CACUL1: variants seen among roughly 807,000 people sequenced by gnomAD.
CACUL1 encodes CDK2 associated cullin domain 1.
A neutral mutation model predicts 45.2 loss-of-function variants in CACUL1; 13 were observed. The ratio of observed to expected loss-of-function variants is 0.29; its 90% CI spans 0.19 to 0.46. The LOEUF (loss-of-function observed/expected upper bound fraction) is 0.46. Ranked by LOEUF, CACUL1 falls within the 20% of genes least tolerant of loss-of-function variation. The pLI is 1.00. For synonymous variants in CACUL1, 197 were observed against 174.2 expected, an observed-to-expected ratio of 1.13 and a Z score of -1.03; for missense variants, 421 against 471.4, an observed-to-expected ratio of 0.89 and a Z score of 0.99.
In CACUL1 at chr10:118,686,082, CCA is replaced by C. The variant is rs746674867; in HGVS notation, c.*44_*45del. On this transcript the variant is annotated 3_prime_UTR_variant, in exon 9 of 9. Coordinates refer to ENST00000369151, the MANE Select transcript of CACUL1 (RefSeq NM_153810.5). ...TGCTCTGAATACAGTCTCTGCAGCT[CCA>C]GTGTGTCCTCTTTTCAGGAAGGAAA... 1.4e-6 allele frequency: 2 copies of C among 1,461,224 alleles called. No individual in the cohort carries two copies. Among genetic ancestry groups the C allele is most frequent in the Non-Finnish European group, 1.9e-6 (2 of 1,041,164 alleles). The allele number at this position is 1,461,224 out of a possible 1,614,324, so 90.5% of individuals were successfully genotyped here.
Position 118,685,864 on chromosome 10 carries a change from G to GC in CACUL1, c.*263dup. ...CTTAGAAATGGTCACTTTCTGAGAT[G>GC]CTTTTTCCTCACAGAATCTGTAGAT... On this transcript the variant is annotated 3_prime_UTR_variant, in exon 9 of 9. Transcript: ENST00000369151. The GC allele has an allele frequency of 3.4e-6, 1 of 296,876 alleles. No individual in the cohort carries two copies. The highest frequency in any genetic ancestry group is 5.5e-5 in the East Asian group (1 of 18,252). 18.4% of individuals were successfully genotyped at this position (296,876 alleles called of 1,614,324 possible). A position where few individuals can be genotyped will look rare whatever the true frequency, so the allele number is the denominator to read the frequency against.
chr10:118,745,334 G>A (rs1045439944), intron 1 of CACUL1, among the ~76,000 whole-genome samples: 1 of 152,118 alleles, frequency 6.6e-6, no homozygotes, highest in Non-Finnish European at 1.5e-5. Context: ...GAGGTAGGTA[G>A]GTGGATCACC....
intron 5 of CACUL1, among the ~76,000 whole-genome samples, chr10:118,699,570 T>C (rs953796953): frequency 6.6e-6 from 1 of 152,220 alleles, no homozygotes; most frequent in Non-Finnish European, 1.5e-5. Flanking sequence ...ATGCTCTATC[T>C]TGTCATGAAA....
At chr10:118,704,669 CT>C (rs1845416930) in intron 4 of CACUL1, among the ~76,000 whole-genome samples, 1 of 152,154 alleles carries the variant, frequency 6.6e-6, no homozygotes, top group Non-Finnish European at 1.5e-5. Context: ...AGTGTCCTTG[CT>C]TTAACCTTTT....
rs968872568 is a variant in CACUL1 at position 118,682,347 on chromosome 10, G to T, written c.*3781C>A. ...GAAACAATAACAGTTTAACTCAAGG[G>T]CAATGCTTCTTGCATAATAATCACA... On this transcript the variant is annotated 3_prime_UTR_variant, in exon 9 of 9. Transcript: ENST00000369151. The T allele has an allele frequency of 1.3e-5, 2 of 152,126 alleles. No homozygotes were observed. The highest frequency in any genetic ancestry group is 1.3e-4 in the Admixed American group (2 of 15,272). The allele number at this position is 152,126 out of a possible 1,614,324, so 9.4% of individuals were successfully genotyped here. A position where few individuals can be genotyped will look rare whatever the true frequency, so the allele number is the denominator to read the frequency against.
intron 1 of CACUL1, among the ~76,000 whole-genome samples, chr10:118,738,769 AAAAGCTAAAAAC>A (rs1301271645): frequency 1.3e-5 from 2 of 152,090 alleles, no homozygotes; most frequent in African/African-American, 4.8e-5. Flanking sequence ...AACAAATTTG[AAAAGCTAAAAAC>A]AAAGATAATC....
intron 4 of CACUL1, among the ~76,000 whole-genome samples, 178 bp from the exon 5 acceptor site, chr10:118,701,586 G>T (rs1845380596): frequency 6.6e-6 from 1 of 152,126 alleles, no homozygotes; most frequent in South Asian, 2.1e-4. Context: ...CTGGCACGGG[G>T]TGGAAAGCAT....
At chr10:118,698,152 T>A (rs1845341032) in intron 5 of CACUL1, among the ~76,000 whole-genome samples, 1 of 151,376 alleles carries the variant, frequency 6.6e-6, no homozygotes, top group African/African-American at 2.4e-5. Flanking sequence ...CTTTTGCTTT[T>A]TTTTTTTTTT....
intron 3 of CACUL1, among the ~76,000 whole-genome samples, chr10:118,717,320 T>G (rs536001977): frequency 2.0e-5 from 3 of 152,342 alleles, no homozygotes; most frequent in African/African-American, 7.2e-5. Context: ...AAAAATATGA[T>G]GCACTAACAT....
In CACUL1 at chr10:118,721,556, A is replaced by T. The variant is rs538323670; in HGVS notation, c.597+7739T>A. ...TAAATTCAGCCTTATTTGAGATAAA[A>T]ATTGCAACATTTCCCAGCACCTTTG... On this transcript the variant is annotated intron_variant, in intron 3 of 8. Transcript: ENST00000369151. Among the ~76,000 whole-genome samples the T allele has an allele frequency of 3.7e-4, 56 of 152,254 alleles. 2 individuals are homozygous for T. The South Asian group carries it at 0.011, about 30-fold the overall frequency.
At chr10:118,748,892 A>T (rs1451390381) in intron 1 of CACUL1, among the ~76,000 whole-genome samples, 1 of 152,108 alleles carries the variant, frequency 6.6e-6, no homozygotes, top group East Asian at 1.9e-4. Flanking sequence ...TATTGAATGG[A>T]GGAGAAGAGG....
chr10:118,745,985 A>G (rs1286276589), intron 1 of CACUL1, among the ~76,000 whole-genome samples: 2 of 147,792 alleles, frequency 1.4e-5, no homozygotes, highest in Non-Finnish European at 3.0e-5. Context: ...AAAAAAAAAA[A>G]TACAAAAAAA....
chr10:118,696,505 G>C, intron 5 of CACUL1, among the ~76,000 whole-genome samples: 2 of 152,286 alleles, frequency 1.3e-5, no homozygotes, highest in Middle Eastern at 6.8e-3. Context: ...TTGGCTAGGC[G>C]TGGCGGCAGG....
chr10:118,696,908 C>T (rs953050015), intron 5 of CACUL1, among the ~76,000 whole-genome samples: 1 of 152,214 alleles, frequency 6.6e-6, no homozygotes, highest in Non-Finnish European at 1.5e-5. Flanking sequence ...TCGTATTCAA[C>T]CACATATTCA....
chr10:118,710,915 C>T (rs920032213), intron 3 of CACUL1, among the ~76,000 whole-genome samples: 6 of 152,136 alleles, frequency 3.9e-5, no homozygotes, highest in South Asian at 2.1e-4. Context: ...TTCCATATAT[C>T]CAAAATAGGA....
In CACUL1 at chr10:118,681,096, T is replaced by G. The variant is rs560322165; in HGVS notation, c.*5032A>C. 2 of 152,342 alleles carry G rather than the reference T, an allele frequency of 1.3e-5. No individual in the cohort carries two copies. The highest frequency in any genetic ancestry group is 3.9e-4 in the East Asian group (2 of 5,192). The allele number at this position is 152,342 out of a possible 1,614,324, so 9.4% of individuals were successfully genotyped here. On this transcript the variant is annotated 3_prime_UTR_variant, in exon 9 of 9. Coordinates refer to ENST00000369151, the MANE Select transcript of CACUL1 (RefSeq NM_153810.5). ...CCCACCAAAAGATCAAGAGCCAAAG[T>G]CAGTGGCTTTGTATCCCAGGTCAAT... is the stretch of plus-strand genomic sequence containing the variant.
rs116297832 is a variant in CACUL1 at position 118,749,592 on chromosome 10, G to A, written c.367+4804C>T. Among the ~76,000 whole-genome samples, 406 of 152,310 alleles carry A rather than the reference G, an allele frequency of 2.7e-3. 2 individuals carry two copies. Among genetic ancestry groups the A allele is most frequent in the Middle Eastern group, 0.014 (4 of 294 alleles). ...AAAGAAGAGGATGAGTTCCACTGAGGAAGAACCCCACATAATTAAAGTCTT... is the reference window on the plus strand; with the variant it reads ...AAAGAAGAGGATGAGTTCCACTGAGAAAGAACCCCACATAATTAAAGTCTT... On this transcript the variant is annotated intron_variant, in intron 1 of 8. Transcript: ENST00000369151.
At chr10:118,715,071 T>C (rs1845529090) in intron 3 of CACUL1, among the ~76,000 whole-genome samples, 1 of 152,238 alleles carries the variant, frequency 6.6e-6, no homozygotes, top group African/African-American at 2.4e-5. Context: ...TTCATATAGA[T>C]GTTATAGACA....
At position 118,740,820 on chromosome 10, in the gene CACUL1, G is replaced by A. The variant is rs554245446; in HGVS notation, c.368-10410C>T. Among the ~76,000 whole-genome samples, 6 of 151,762 alleles carry A rather than the reference G, an allele frequency of 4.0e-5. No homozygotes were observed. The South Asian group carries it at 6.2e-4, about 16-fold the overall frequency. On this transcript the variant is annotated intron_variant, in intron 1 of 8. Transcript: ENST00000369151. ...AGGCGCCTGTAGTCCTAGCTACTCA[G>A]GAGGCTGAGGCAGGAGAATAGCGTG...
Sources: allele counts gnomAD v4.1 joint callset (sites outside exome capture counted in the v4.1 genomes callset), GRCh38; gene constraint gnomAD v4.1.1; transcripts MANE v1.5; gene names NCBI Gene and HGNC (gene_info 2026-07-23, HGNC 2026-07-21).